Variants in STX1A observed in about 807,000 individuals in gnomAD.
STX1A encodes the protein syntaxin-1A.
In STX1A, 4 loss-of-function variants were observed where a neutral mutation model predicts 37.8. That is an observed-to-expected ratio of 0.11 (90% CI 0.05 to 0.24). STX1A has a LOEUF of 0.24. Ranked by LOEUF, STX1A falls within the 10% of genes least tolerant of loss-of-function variation. STX1A has a pLI of 1.00. For missense variants in STX1A, 251 were observed against 399.9 expected (o/e 0.63, Z 3.18); for synonymous variants, 135 against 147.4 (o/e 0.92, Z 0.61).
Position 73,699,339 on chromosome 7 carries a change from T to C in STX1A, c.*1068A>G, listed in dbSNP as rs1798562257. On this transcript the variant is annotated 3_prime_UTR_variant, in exon 10 of 10. Transcript: ENST00000222812. ...CAACACGGACAGTGGTCACAGTCAC[T>C]GGGCAGGAGTAAAGCCGAGGGAGGG... The C allele has an allele frequency of 6.6e-6, 1 of 152,656 alleles. No individual in the cohort carries two copies. Among genetic ancestry groups the C allele is most frequent in the Non-Finnish European group, 1.5e-5 (1 of 68,060 alleles). The allele number at this position is 152,656 out of a possible 1,614,324, so 9.5% of individuals were successfully genotyped here.
At position 73,700,956 on chromosome 7, in the gene STX1A, G is replaced by A. The variant is rs781787613; in HGVS notation, c.679-116C>T. 5.0e-5 allele frequency: 77 copies of A among 1,537,980 alleles called. No homozygotes were observed. Among genetic ancestry groups the A allele is most frequent in the Non-Finnish European group, 6.5e-5 (74 of 1,146,888 alleles). On this transcript the variant is annotated intron_variant, in intron 8 of 9. Transcript: ENST00000222812. This position sits in a 1 kb window ranked among gnomAD's most constrained non-coding sequence, Gnocchi z 4.4. The stretch of plus-strand genomic sequence containing the variant: ...GCTAGAGACAAAAAGGGGGCGTGAG[G>A]AGGTTAGGGTACAGCTTCTCACCTG...
At chr7:73,714,560 C>G (rs1346097930) in intron 1 of STX1A, among the ~76,000 whole-genome samples, 1 of 152,030 alleles carries the variant, frequency 6.6e-6, no homozygotes, top group Non-Finnish European at 1.5e-5. Flanking sequence ...GCCACCACAC[C>G]TGGCTAATTT....
Position 73,715,498 on chromosome 7 carries a change from G to T in STX1A, c.30+4104C>A, listed in dbSNP as rs142338274. Reference sequence around the variant, plus strand: ...GGAGGGAGTGCTCCTTACCTCCCTAGCATGGAGACTGCTAGGAAGAACAGA... The same window carrying T: ...GGAGGGAGTGCTCCTTACCTCCCTATCATGGAGACTGCTAGGAAGAACAGA... On this transcript the variant is annotated intron_variant, in intron 1 of 9. Transcript: ENST00000222812. Among the ~76,000 whole-genome samples the T allele has an allele frequency of 7.9e-3, 1,199 of 152,220 alleles. 17 individuals are homozygous for T. The highest frequency in any genetic ancestry group is 0.027 in the African/African-American group (1,121 of 41,542).
At position 73,705,047 on chromosome 7, in the gene STX1A, C is replaced by G. The variant is rs1413364524; in HGVS notation, c.283+103G>C. On this transcript the variant is annotated intron_variant, in intron 4 of 9. Coordinates refer to ENST00000222812, the MANE Select transcript of STX1A (RefSeq NM_004603.4). The surrounding 1 kb of genome is among the most constrained non-coding windows in gnomAD (Gnocchi z 5.2). The stretch of plus-strand genomic sequence containing the variant: ...ATGACGCCACCCTCAGAAAGGAAAG[C>G]AAGATCCGGCGCACCCCCTCAGGGC... The G allele has an allele frequency of 6.1e-6, 7 of 1,140,772 alleles. No homozygotes were observed. The highest frequency in any genetic ancestry group is 1.5e-5 in the African/African-American group (1 of 65,610). The allele number at this position is 1,140,772 out of a possible 1,614,324, so 70.7% of individuals were successfully genotyped here.
chr7:73,714,140 G>A (rs547298253), intron 1 of STX1A, among the ~76,000 whole-genome samples: 6 of 148,318 alleles, frequency 4.0e-5, no homozygotes, highest in African/African-American at 1.3e-4. Flanking sequence ...GCAGAGTCTC[G>A]CTCTGTTGCC....
In STX1A at chr7:73,700,059, C is replaced by A; in HGVS notation, c.*348G>T. On this transcript the variant is annotated 3_prime_UTR_variant, in exon 10 of 10. Transcript: ENST00000222812. This position sits in a 1 kb window ranked among gnomAD's most constrained non-coding sequence, Gnocchi z 4.4. ...GGTCAGCTGGAGGCGAGGTTAGGGTCCCCAGGGAAGAGCAGAACCTGGGCC... is the reference window on the plus strand; with the variant it reads ...GGTCAGCTGGAGGCGAGGTTAGGGTACCCAGGGAAGAGCAGAACCTGGGCC... 1 of 384,676 alleles carries A rather than the reference C, an allele frequency of 2.6e-6. No homozygotes were observed. Among genetic ancestry groups the A allele is most frequent in the South Asian group, 2.6e-5 (1 of 37,794 alleles). 23.8% of individuals were successfully genotyped at this position (384,676 alleles called of 1,614,324 possible).
chr7:73,703,624 A>T, intron 7 of STX1A, 131 bp downstream of exon 7: 1 of 1,080,358 alleles, frequency 9.3e-7, no homozygotes, highest in Non-Finnish European at 1.4e-6. Context: ...CCTCTCTGGG[A>T]CTCTTCCTTC....
Position 73,705,122 on chromosome 7 carries a change from C to T in STX1A, c.283+28G>A, listed in dbSNP as rs367990845. The stretch of plus-strand genomic sequence containing the variant: ...GAGGAAGCAGGCCTAGAATGCCCCC[C>T]ACCCACCCCCAGACAAGCCTGACTC... On this transcript the variant is annotated intron_variant, in intron 4 of 9. Coordinates refer to ENST00000222812, the MANE Select transcript of STX1A (RefSeq NM_004603.4). The surrounding 1 kb of genome is among the most constrained non-coding windows in gnomAD (Gnocchi z 5.2). 9 of 1,610,142 alleles carry T rather than the reference C, an allele frequency of 5.6e-6. No individual in the cohort carries two copies. In the East Asian group the frequency reaches 1.3e-4, roughly 24 times the overall value.
At chr7:73,712,053 G>A (rs1554618046) in intron 1 of STX1A, among the ~76,000 whole-genome samples, 1 of 152,054 alleles carries the variant, frequency 6.6e-6, no homozygotes, top group African/African-American at 2.4e-5. Flanking sequence ...GGTAGGGCTG[G>A]GGAAAGGGAG....
Position 73,700,441 on chromosome 7 carries a change from A to C in STX1A, c.833T>G (p.Val278Gly). Residue 278 changes from valine to glycine, a missense_variant, in exon 10 of 10, where the codon GTC becomes GGC. This residue lies in a region of STX1A where 214 missense variants were observed against 367.6 expected (regional missense o/e 0.58). Transcript: ENST00000222812. The surrounding 1 kb of genome is among the most constrained non-coding windows in gnomAD (Gnocchi z 4.4). ...IIICCVILGI[V>G]IASTVGGIFA ...GATGCCCCCAACAGTGGAGGCGATG[A>C]CGATGCCCAGGATCACACAGCAGAT... The C allele has an allele frequency of 6.2e-7, 1 of 1,614,072 alleles. No individual in the cohort carries two copies. The highest frequency in any genetic ancestry group is 8.5e-7 in the Non-Finnish European group (1 of 1,180,012).
Position 73,702,017 on chromosome 7 carries a change from C to T in STX1A, c.678+828G>A, listed in dbSNP as rs781933684. On this transcript the variant is annotated intron_variant, in intron 8 of 9. Coordinates refer to ENST00000222812, the MANE Select transcript of STX1A (RefSeq NM_004603.4). The surrounding 1 kb of genome is among the most constrained non-coding windows in gnomAD (Gnocchi z 4.7). ...CTGCCTGCCAAGGCCCCGTCCACCT[C>T]GTCTCCAGCTTCATCTCAGCTCCGA... Among the ~76,000 whole-genome samples the T allele has an allele frequency of 2.0e-5, 3 of 152,202 alleles. No individual in the cohort carries two copies. Among genetic ancestry groups the T allele is most frequent in the Non-Finnish European group, 4.4e-5 (3 of 68,042 alleles).
chr7:73,702,564 G>T lies in STX1A; in HGVS notation c.678+281C>A. ...TCTGGGGAAATGCGTGGCCCACAGT[G>T]GCCCCATGAGGAAACAGTAGTAGGG... is the stretch of plus-strand genomic sequence containing the variant. On this transcript the variant is annotated intron_variant, in intron 8 of 9. Transcript: ENST00000222812. The surrounding 1 kb of genome is among the most constrained non-coding windows in gnomAD (Gnocchi z 4.7). 1.1e-6 allele frequency: 1 copy of T among 880,674 alleles called. No individual in the cohort carries two copies. The highest frequency in any genetic ancestry group is 1.6e-6 in the Non-Finnish European group (1 of 606,634). The allele number at this position is 880,674 out of a possible 1,614,324, so 54.6% of individuals were successfully genotyped here.
chr7:73,716,006 G>A (rs1288725885), intron 1 of STX1A, among the ~76,000 whole-genome samples: 4 of 152,188 alleles, frequency 2.6e-5, no homozygotes, highest in East Asian at 3.9e-4. Context: ...GCTTCAGGCC[G>A]TGGAAGGGGC....
At chr7:73,701,199 C>G in intron 8 of STX1A, 1 of 539,426 alleles carries the variant, frequency 1.9e-6, no homozygotes, top group Non-Finnish European at 3.3e-6. Context: ...CTGCCCTGGC[C>G]ATAGCTCCTG....
chr7:73,713,311 A>G (rs1255426309), intron 1 of STX1A, among the ~76,000 whole-genome samples: 2 of 152,188 alleles, frequency 1.3e-5, no homozygotes, highest in African/African-American at 4.8e-5. Context: ...GCAGAGCCCC[A>G]CTGCCACCCT....
intron 2 of STX1A, 98 bp from the exon 3 acceptor site, chr7:73,708,786 G>C (rs781889137): frequency 1.1e-5 from 15 of 1,315,254 alleles, no homozygotes; most frequent in Non-Finnish European, 1.5e-5. Context: ...CAGGGCTCAG[G>C]GGGAGGACGG....
At position 73,705,472 on chromosome 7, in the gene STX1A, C is replaced by T. The variant is rs782409672; in HGVS notation, c.209-248G>A. 8 of 518,280 alleles carry T rather than the reference C, an allele frequency of 1.5e-5. No individual in the cohort carries two copies. In the Admixed American group the frequency reaches 2.0e-4, roughly 13 times the overall value. The allele number at this position is 518,280 out of a possible 1,614,324, so 32.1% of individuals were successfully genotyped here. A position where few individuals can be genotyped will look rare whatever the true frequency, so the allele number is the denominator to read the frequency against. ...CCTCCCTTCCTCCTTTGCTGGCGCCCCCACCCCCTGGAGATAACAGATGGG... is the reference window on the plus strand; with the variant it reads ...CCTCCCTTCCTCCTTTGCTGGCGCCTCCACCCCCTGGAGATAACAGATGGG... On this transcript the variant is annotated intron_variant, in intron 3 of 9. Transcript: ENST00000222812. The surrounding 1 kb of genome is among the most constrained non-coding windows in gnomAD (Gnocchi z 5.2).
Position 73,708,574 on chromosome 7 carries a change from G to A in STX1A, c.208+15C>T, listed in dbSNP as rs782473528. ...TTGTGGGGCCTGAAACCCGTCCCCC[G>A]CCCCACACACTCACTCTCATCGGGG... On this transcript the variant is annotated intron_variant, in intron 3 of 9. Coordinates refer to ENST00000222812, the MANE Select transcript of STX1A (RefSeq NM_004603.4). 4.3e-6 allele frequency: 7 copies of A among 1,609,792 alleles called. No homozygotes were observed. The highest frequency in any genetic ancestry group is 1.6e-4 in the Middle Eastern group (1 of 6,074).
chr7:73,716,511 C>T (rs1799294133), intron 1 of STX1A: 1 of 152,490 alleles, frequency 6.6e-6, no homozygotes, highest in Non-Finnish European at 1.5e-5. Flanking sequence ...TCAGGACCAC[C>T]TGCTATTCTC....
Sources: gnomAD v4.1 joint callset for allele counts (sites outside exome capture counted in the v4.1 genomes callset) on GRCh38, gnomAD v4.1.1 for gene constraint, gnomAD v4.1.1 regional missense constraint, Gnocchi (gnomAD v3.1) non-coding constraint, MANE v1.5 for transcripts, NCBI Gene and HGNC (gene_info 2026-07-23, HGNC 2026-07-21) for gene names.